The following LINGO1 variants were observed in gnomAD, a reference collection of about 807,000 sequenced individuals.
The protein encoded by LINGO1 is leucine rich repeat and Ig domain containing 1, also known as leucine-rich repeat and immunoglobulin-like domain-containing nogo receptor-interacting protein 1.
Under a neutral mutation model 37.3 loss-of-function variants are expected in LINGO1, and 11 were observed. The observed-to-expected ratio is 0.29, with a 90% CI of 0.19 to 0.49. The LOEUF (loss-of-function observed/expected upper bound fraction) is 0.49. Among genes scored for constraint, LINGO1 ranks in the 20% least tolerant of loss-of-function variants. The pLI is 0.99. For synonymous variants in LINGO1, 387 were observed against 403.0 expected (o/e 0.96, Z 0.48); for missense variants, 585 against 878.2 (o/e 0.67, Z 4.22).
At chr15:77,770,684 C>T (rs2076576650) in intron 1 of LINGO1, among the ~76,000 whole-genome samples, 1 of 151,870 alleles carries the variant, frequency 6.6e-6, no homozygotes, top group Non-Finnish European at 1.5e-5. Context: ...GGGTTTAAAT[C>T]CAAGCCTAAC....
intron 1 of LINGO1, among the ~76,000 whole-genome samples, chr15:77,623,847 AGTGGCCTGTGTGTGTGTGTGTGT>A (rs2074000229): frequency 6.8e-6 from 1 of 146,008 alleles, no homozygotes. Flanking sequence ...TGTGTGTGTG[AGTGGCCTGTGTGTGTGTGTGTGT>A]GTGTGTCTGT....
upstream of LINGO1, among the ~76,000 whole-genome samples, chr15:77,699,649 CTG>C (rs2075749477): frequency 6.7e-6 from 1 of 149,072 alleles, no homozygotes; most frequent in African/African-American, 2.5e-5. Flanking sequence ...TAACCATCAT[CTG>C]CATACAGTAA....
At position 77,632,579 on chromosome 15, in the gene LINGO1, T is replaced by G; in HGVS notation, c.-264A>C. On this transcript the variant is annotated 5_prime_UTR_variant, in exon 1 of 2. An upstream open reading frame in the 5' UTR loses its in-frame stop. Transcript: ENST00000355300. The surrounding 1 kb of genome is among the most constrained non-coding windows in gnomAD (Gnocchi z 6.0). ...CCGGCGGGCGGATGGGCGGGCGCGCTCAGGCCGCGGGACAGGGGCTGCGCG... is the reference window on the plus strand; with the variant it reads ...CCGGCGGGCGGATGGGCGGGCGCGCGCAGGCCGCGGGACAGGGGCTGCGCG... 1 of 170,988 alleles carries G rather than the reference T, an allele frequency of 5.8e-6. No homozygotes were observed. The allele number at this position is 170,988 out of a possible 1,614,324, so 10.6% of individuals were successfully genotyped here. A position where few individuals can be genotyped will look rare whatever the true frequency, so the allele number is the denominator to read the frequency against.
chr15:77,636,629 A>G (rs995655440), upstream of LINGO1, among the ~76,000 whole-genome samples: 1 of 151,992 alleles, frequency 6.6e-6, no homozygotes, highest in African/African-American at 2.4e-5. Context: ...TGTGACCTTG[A>G]GGGGGTCACA....
intron 3 of LINGO1, among the ~76,000 whole-genome samples, chr15:77,652,616 T>C (rs1362160776): frequency 1.3e-5 from 2 of 151,684 alleles, no homozygotes; most frequent in Non-Finnish European, 2.9e-5. Context: ...AGACATACCC[T>C]ACCTCTCAGC....
At chr15:77,635,527 GT>G (rs2074379082), upstream of LINGO1, among the ~76,000 whole-genome samples, 1 of 151,968 alleles carries the variant, frequency 6.6e-6, no homozygotes, top group Non-Finnish European at 1.5e-5. Context: ...CATGGAGAAT[GT>G]GACACACCGG....
intron 1 of LINGO1, among the ~76,000 whole-genome samples, chr15:77,741,565 A>G (rs2076264569): frequency 6.6e-6 from 1 of 152,154 alleles, no homozygotes; most frequent in Non-Finnish European, 1.5e-5. Context: ...CTGGCCACCC[A>G]GGAGGGGCAG....
chr15:77,722,794 T>C (rs1040668475), intron 2 of LINGO1, among the ~76,000 whole-genome samples: 1 of 152,222 alleles, frequency 6.6e-6, no homozygotes, highest in Non-Finnish European at 1.5e-5. Flanking sequence ...AAGTTGGTGC[T>C]GGTTGACAGA....
At chr15:77,652,666 C>T (rs1271103181) in intron 3 of LINGO1, among the ~76,000 whole-genome samples, 3 of 152,242 alleles carry the variant, frequency 2.0e-5, no homozygotes, top group Non-Finnish European at 4.4e-5. Context: ...CTGCTCCCAT[C>T]TCTGCCCAGC....
At position 77,632,395 on chromosome 15, in the gene LINGO1, G is replaced by A; in HGVS notation, c.-80C>T. The A allele has an allele frequency of 7.8e-7, 1 of 1,289,902 alleles. No individual in the cohort carries two copies. The highest frequency in any genetic ancestry group is 9.9e-7 in the Non-Finnish European group (1 of 1,012,206). 79.9% of individuals were successfully genotyped at this position (1,289,902 alleles called of 1,614,324 possible). On this transcript the variant is annotated 5_prime_UTR_variant, in exon 1 of 2. Coordinates refer to ENST00000355300, the MANE Select transcript of LINGO1 (RefSeq NM_032808.7). This position sits in a 1 kb window ranked among gnomAD's most constrained non-coding sequence, Gnocchi z 6.0. Reference sequence around the variant, plus strand: ...CCGGCCCGACCAGGCCCCAGCCCCTGCCCAGCCCCCTCCTCCGTTTCCTCC... The same window carrying A: ...CCGGCCCGACCAGGCCCCAGCCCCTACCCAGCCCCCTCCTCCGTTTCCTCC...
intron 3 of LINGO1, among the ~76,000 whole-genome samples, chr15:77,669,114 T>G (rs947196527): frequency 1.3e-5 from 2 of 152,264 alleles, no homozygotes; most frequent in African/African-American, 2.4e-5. Context: ...GGAGGATGTG[T>G]GCACAGCTTC....
At chr15:77,720,391 C>T (rs1184335795) in intron 2 of LINGO1, among the ~76,000 whole-genome samples, 1 of 152,260 alleles carries the variant, frequency 6.6e-6, no homozygotes, top group Non-Finnish European at 1.5e-5. Flanking sequence ...TGCATCCGCC[C>T]CCACGTGTGT....
chr15:77,674,059 T>C (rs1471497447), intron 3 of LINGO1, among the ~76,000 whole-genome samples: 2 of 151,934 alleles, frequency 1.3e-5, no homozygotes, highest in African/African-American at 4.8e-5. Flanking sequence ...ACTGAACCAC[T>C]CCTCTCCCCT....
chr15:77,660,347 C>T (rs1285869602), intron 3 of LINGO1, among the ~76,000 whole-genome samples: 4 of 152,150 alleles, frequency 2.6e-5, no homozygotes, highest in Non-Finnish European at 5.9e-5. Flanking sequence ...TGATGATACT[C>T]GGCGCCAAGG....
At chr15:77,787,941 G>A (rs1256572345), upstream of LINGO1, 1 of 152,196 alleles carries the variant, frequency 6.6e-6, no homozygotes, top group East Asian at 1.9e-4. Context: ...GGCAACAGCT[G>A]CCAACCTCCC....
At chr15:77,748,682 T>C (rs1471692878) in intron 1 of LINGO1, among the ~76,000 whole-genome samples, 1 of 152,020 alleles carries the variant, frequency 6.6e-6, no homozygotes, top group Non-Finnish European at 1.5e-5. Flanking sequence ...CAATTTCTTT[T>C]TTTTTCTTTT....
At chr15:77,617,396 G>C (rs935066433) in intron 1 of LINGO1, among the ~76,000 whole-genome samples, 2 of 152,172 alleles carry the variant, frequency 1.3e-5, no homozygotes, top group Non-Finnish European at 2.9e-5. Flanking sequence ...GCCTCTGGGA[G>C]CCAAGCTGCA....
intron 1 of LINGO1, among the ~76,000 whole-genome samples, chr15:77,692,522 A>T (rs2075622006): frequency 6.6e-6 from 1 of 152,246 alleles, no homozygotes; most frequent in African/African-American, 2.4e-5. Context: ...GGTTTTTTAA[A>T]AAATAAGCAC....
intron 2 of LINGO1, among the ~76,000 whole-genome samples, chr15:77,731,493 G>A (rs1030841258): frequency 6.6e-6 from 1 of 152,166 alleles, no homozygotes; most frequent in Admixed American, 6.5e-5. Context: ...CCTTTTCTGT[G>A]ACTTGGGTCA....
Sources: gnomAD v4.1 joint callset for allele counts (sites outside exome capture counted in the v4.1 genomes callset) on GRCh38, gnomAD v4.1.1 for gene constraint, Gnocchi (gnomAD v3.1) non-coding constraint, MANE v1.5 for transcripts, NCBI Gene and HGNC (gene_info 2026-07-23, HGNC 2026-07-21) for gene names.